Variants in EPHA5 observed in about 807,000 individuals in gnomAD.
The protein encoded by EPHA5 is ephrin type-A receptor 5.
Under a neutral mutation model 105.0 loss-of-function variants are expected in EPHA5, and 60 were observed. The ratio of observed to expected loss-of-function variants is 0.57; its 90% CI spans 0.46 to 0.71. The LOEUF is 0.71. EPHA5 is among the 30% of genes least tolerant of loss of function. The pLI, the probability that EPHA5 is intolerant of heterozygous loss-of-function variation, is 0.00. For missense variants in EPHA5, 1,218 were observed against 1,274.7 expected (o/e 0.96, Z 0.68); for synonymous variants, 513 against 449.1 (o/e 1.14, Z -1.80).
chr4:65,545,962 C>T (rs1378840943), intron 3 of EPHA5, among the ~76,000 whole-genome samples: 1 of 151,820 alleles, frequency 6.6e-6, no homozygotes, highest in Non-Finnish European at 1.5e-5. Flanking sequence ...TTGTAAGGAC[C>T]AGATAACAAA....
At chr4:65,498,710 A>G (rs983244032) in intron 3 of EPHA5, among the ~76,000 whole-genome samples, 1 of 151,816 alleles carries the variant, frequency 6.6e-6, no homozygotes, top group Admixed American at 6.6e-5. Context: ...TACTGGTGCC[A>G]TTTTCTCAGA....
chr4:65,538,053 T>G (rs1303839117), intron 3 of EPHA5, among the ~76,000 whole-genome samples: 1 of 151,810 alleles, frequency 6.6e-6, no homozygotes, highest in African/African-American at 2.4e-5. Flanking sequence ...GGAAGGAAGA[T>G]GTATTTGTCA....
In EPHA5 at chr4:65,380,257, G is replaced by C. The variant is rs542470449; in HGVS notation, c.1794-12833C>G. ...GTTTAAAATAGCTTAGCTCCTTTTG[G>C]CTTAGAATAAAAAACTGTTGATCTT... On this transcript the variant is annotated intron_variant, in intron 8 of 16. Coordinates refer to ENST00000613740, the MANE Select transcript of EPHA5 (RefSeq NM_001281766.3). Among the ~76,000 whole-genome samples the C allele has an allele frequency of 1.1e-4, 16 of 151,754 alleles. No homozygotes were observed. In the East Asian group the frequency reaches 2.9e-3, roughly 28 times the overall value.
intron 2 of EPHA5, among the ~76,000 whole-genome samples, chr4:65,619,514 C>T (rs555966271): frequency 6.6e-6 from 1 of 151,976 alleles, no homozygotes; most frequent in African/African-American, 2.4e-5. Flanking sequence ...ACTACAAAAC[C>T]TGTATATTGA....
chr4:65,602,722 T>A (rs969420214), intron 2 of EPHA5, among the ~76,000 whole-genome samples: 1 of 151,550 alleles, frequency 6.6e-6, no homozygotes, highest in Non-Finnish European at 1.5e-5. Context: ...AGAAATGCAA[T>A]TAAAAAAATG....
chr4:65,593,127 TAGAG>T (rs1742836434), intron 3 of EPHA5, among the ~76,000 whole-genome samples: 1 of 152,176 alleles, frequency 6.6e-6, no homozygotes, highest in African/African-American at 2.4e-5. Context: ...GATAATGGGA[TAGAG>T]AAATGATAGT....
intron 8 of EPHA5, among the ~76,000 whole-genome samples, chr4:65,373,276 A>G (rs559892342): frequency 6.6e-6 from 1 of 151,930 alleles, no homozygotes; most frequent in African/African-American, 2.4e-5. Flanking sequence ...AATATACTCT[A>G]TATACATGTC....
intron 5 of EPHA5, among the ~76,000 whole-genome samples, chr4:65,456,522 C>T (rs765702163): frequency 5.9e-5 from 9 of 152,072 alleles, no homozygotes; most frequent in Admixed American, 1.3e-4. Flanking sequence ...ACAAGACTGT[C>T]GTATTTTTAA....
intron 3 of EPHA5, among the ~76,000 whole-genome samples, chr4:65,515,309 A>C (rs1348143277): frequency 1.3e-5 from 2 of 152,160 alleles, no homozygotes; most frequent in Non-Finnish European, 2.9e-5. Flanking sequence ...AAACAACAAC[A>C]TTGCTTTGGC....
intron 3 of EPHA5, among the ~76,000 whole-genome samples, chr4:65,598,109 G>C (rs1171800668): frequency 1.3e-5 from 2 of 152,024 alleles, no homozygotes; most frequent in African/African-American, 4.8e-5. Flanking sequence ...AATATAGTTT[G>C]GTTATCAAGA....
chr4:65,321,953 A>T lies in EPHA5; in HGVS notation c.*2161T>A, dbSNP rs1392501165. The T allele has an allele frequency of 4.4e-6, 1 of 226,228 alleles. No individual in the cohort carries two copies. Among genetic ancestry groups the T allele is most frequent in the Admixed American group, 5.7e-5 (1 of 17,478 alleles). The allele number at this position is 226,228 out of a possible 1,614,324, so 14.0% of individuals were successfully genotyped here. ...GATTGGAATATTTCTATAAAATTCA[A>T]TAAAGTGCCACATAATCATCATTTA... On this transcript the variant is annotated 3_prime_UTR_variant, in exon 17 of 17. Coordinates refer to ENST00000613740, the MANE Select transcript of EPHA5 (RefSeq NM_001281766.3).
chr4:65,482,808 T>G (rs1730503485), intron 5 of EPHA5, among the ~76,000 whole-genome samples: 1 of 152,084 alleles, frequency 6.6e-6, no homozygotes. Context: ...ATCTTCTAGC[T>G]TTTCTGAAAG....
chr4:65,500,045 A>C (rs1255038741), intron 3 of EPHA5, among the ~76,000 whole-genome samples: 3 of 151,350 alleles, frequency 2.0e-5, no homozygotes, highest in Non-Finnish European at 1.5e-5. Flanking sequence ...AAATAATAAT[A>C]ATGAACAAAC....
Position 65,555,897 on chromosome 4 carries a change from C to T in EPHA5, c.910+45744G>A, listed in dbSNP as rs182789114. On this transcript the variant is annotated intron_variant, in intron 3 of 16. Coordinates refer to ENST00000613740, the MANE Select transcript of EPHA5 (RefSeq NM_001281766.3). ...TTTTTTATTTTCTTACAAGTTGTTTCCAAATAATCTAAAACAAAAAAGACT... is the reference window on the plus strand; with the variant it reads ...TTTTTTATTTTCTTACAAGTTGTTTTCAAATAATCTAAAACAAAAAAGACT... Among the ~76,000 whole-genome samples, 406 of 152,060 alleles carry T rather than the reference C, an allele frequency of 2.7e-3. 6 individuals carry two copies. In the Middle Eastern group the frequency reaches 0.031, roughly 12 times the overall value.
chr4:65,634,189 CTATT>C (rs1746902630), intron 2 of EPHA5, among the ~76,000 whole-genome samples: 1 of 152,040 alleles, frequency 6.6e-6, no homozygotes, highest in Non-Finnish European at 1.5e-5. Flanking sequence ...ATGAGTTTCT[CTATT>C]AATTAGGAAA....
At chr4:65,521,662 T>C (rs1440060375) in intron 3 of EPHA5, among the ~76,000 whole-genome samples, 4 of 152,102 alleles carry the variant, frequency 2.6e-5, no homozygotes, top group East Asian at 1.9e-4. Context: ...TGAAGTATGC[T>C]GAGCTTGGGA....
chr4:65,555,206 A>G (rs939829038), intron 3 of EPHA5, among the ~76,000 whole-genome samples: 1 of 151,820 alleles, frequency 6.6e-6, no homozygotes. Context: ...GTAGCAATGG[A>G]TATGTGTGTT....
intron 2 of EPHA5, among the ~76,000 whole-genome samples, chr4:65,610,754 T>A: frequency 6.6e-6 from 1 of 152,146 alleles, no homozygotes. Context: ...ATAGGGTACA[T>A]GTGATCTAAT....
intron 8 of EPHA5, among the ~76,000 whole-genome samples, chr4:65,373,834 A>G (rs1408331341): frequency 6.6e-6 from 1 of 151,918 alleles, no homozygotes; most frequent in Non-Finnish European, 1.5e-5. Context: ...AGGATGGAGT[A>G]AATAATATGA....
Sources: allele counts gnomAD v4.1 joint callset (sites outside exome capture counted in the v4.1 genomes callset), GRCh38; gene constraint gnomAD v4.1.1; transcripts MANE v1.5; gene names NCBI Gene and HGNC (gene_info 2026-07-23, HGNC 2026-07-21).